MAP3K11: variants seen among roughly 807,000 people sequenced by gnomAD.
MAP3K11 encodes SH3 domain-containing proline-rich kinase.
MAP3K11 carries 46 observed loss-of-function variants against 84.9 expected under a neutral mutation model. The observed-to-expected ratio is 0.54, with a 90% CI of 0.43 to 0.69. MAP3K11 has a LOEUF of 0.69. Ranked by LOEUF, MAP3K11 falls within the 30% of genes least tolerant of loss-of-function variation. MAP3K11 has a pLI of 0.00. For missense variants in MAP3K11, 1,053 were observed against 1,198.3 expected (o/e 0.88, Z 1.79); for synonymous variants, 527 against 514.7 (o/e 1.02, Z -0.32).
Position 65,613,278 on chromosome 11 carries a change from C to T in MAP3K11, c.479G>A (p.Ser160Asn). The change falls in exon 1 of 10, where the codon AGC becomes AAC. Residue 160 changes from serine (S) to asparagine (N), a missense_variant. This residue lies in a region of MAP3K11 where 310 missense variants were observed against 464.5 expected (regional missense o/e 0.67). Transcript: ENST00000309100. ...GAAGAGCCGGGCCTCCTGGCGAACGCTCTCGGCTGTCACACTGATGTCCTC... is the reference window on the plus strand; with the variant it reads ...GAAGAGCCGGGCCTCCTGGCGAACGTTCTCGGCTGTCACACTGATGTCCTC... ...PDEDISVTAE[S>N]VRQEARLFAM... The T allele has an allele frequency of 1.9e-6, 3 of 1,612,810 alleles. No individual in the cohort carries two copies. Among genetic ancestry groups the T allele is most frequent in the Non-Finnish European group, 1.7e-6 (2 of 1,179,590 alleles).
At chr11:65,598,708 TCA>T in intron 9 of MAP3K11, 80 bp from the exon 10 acceptor site, 2 of 1,093,734 alleles carry the variant, frequency 1.8e-6, no homozygotes, top group Non-Finnish European at 1.2e-6. Context: ...GCTCTGGGCC[TCA>T]GTTTCCCCAT....
At chr11:65,612,817 A>C in intron 1 of MAP3K11, 2 of 478,656 alleles carry the variant, frequency 4.2e-6, no homozygotes, top group Non-Finnish European at 6.9e-6. Context: ...AGGACTTCTG[A>C]AGCTGGCGCA....
Position 65,599,559 on chromosome 11 carries a change from G to A in MAP3K11, c.2041C>T (p.Pro681Ser), listed in dbSNP as rs372241785. Residue 681 changes from proline to serine, a missense_variant, in exon 9 of 10, where the codon CCA becomes TCA. Transcript: ENST00000309100. ...RGESPTTPPT[P>S]TPAPCPTEPP... is the part of the protein sequence containing the mutation. ...TCGGTCGGGCAGGGCGCGGGCGTTG[G>A]CGTGGGGGGTGTTGTCGGGGACTCC... 51 of 1,499,230 alleles carry A rather than the reference G, an allele frequency of 3.4e-5. No homozygotes were observed. The African/African-American group carries it at 7.1e-4, about 21-fold the overall frequency. The allele number at this position is 1,499,230 out of a possible 1,614,324, so 92.9% of individuals were successfully genotyped here.
At chr11:65,612,848 TG>T in intron 1 of MAP3K11, 169 bp downstream of exon 1, 1 of 623,500 alleles carries the variant, frequency 1.6e-6, no homozygotes, top group Non-Finnish European at 2.4e-6. Flanking sequence ...GCTGGGTGCC[TG>T]GGGCTCTGTT....
At chr11:65,607,009 C>T in intron 5 of MAP3K11, 2 of 591,178 alleles carry the variant, frequency 3.4e-6, no homozygotes, top group East Asian at 3.4e-5. Context: ...GCCCTGGCGC[C>T]GGCCGGCCCC....
chr11:65,612,952 G>A, intron 1 of MAP3K11, 66 bp downstream of exon 1: 1 of 1,486,342 alleles, frequency 6.7e-7, no homozygotes, highest in Non-Finnish European at 8.9e-7. Flanking sequence ...GCTAGGCTCA[G>A]TGGAAGGTTG....
In MAP3K11 at chr11:65,606,096, G is replaced by A. The variant is rs763294272; in HGVS notation, c.1604-15C>T. On this transcript the variant is annotated splice_polypyrimidine_tract_variant and intron_variant, in intron 6 of 9. Transcript: ENST00000309100. Reference sequence around the variant, plus strand: ...TGCAGGCTCCACTGCAGGGGAAACCGATGAAATCGGAGATAATCTTTATTC... The same window carrying A: ...TGCAGGCTCCACTGCAGGGGAAACCAATGAAATCGGAGATAATCTTTATTC... 1.3e-5 allele frequency: 21 copies of A among 1,559,294 alleles called. No homozygotes were observed. The highest frequency in any genetic ancestry group is 4.8e-5 in the South Asian group (4 of 83,820).
chr11:65,610,050 T>C (rs560052023), intron 1 of MAP3K11: 1 of 152,612 alleles, frequency 6.6e-6, no homozygotes, highest in East Asian at 1.9e-4. Flanking sequence ...GCATGACCTC[T>C]CCTCAACCTC....
intron 8 of MAP3K11, among the ~76,000 whole-genome samples, chr11:65,604,531 A>C (rs563294957): frequency 7.2e-5 from 11 of 152,248 alleles, no homozygotes; most frequent in Non-Finnish European, 1.6e-4. Context: ...GCAAGAGCAG[A>C]TCAAATCCCT....
intron 6 of MAP3K11, 53 bp downstream of exon 6, chr11:65,606,638 A>G: frequency 7.5e-7 from 1 of 1,331,736 alleles, no homozygotes; most frequent in Non-Finnish European, 1.0e-6. Flanking sequence ...AAGGTCTGAC[A>G]GAGAATAAGG....
Position 65,599,482 on chromosome 11 carries a change from C to T in MAP3K11, c.2118G>A (p.Pro706=), listed in dbSNP as rs751664849. Residue 706 remains proline, a synonymous_variant, in exon 9 of 10, where the codon CCG becomes CCA. Coordinates refer to ENST00000309100, the MANE Select transcript of MAP3K11 (RefSeq NM_002419.4). ...ICFSLKTPDS[P]PTPAPLLLDL... ...CCAGCAACAGGGGTGCAGGAGTGGG[C>T]GGGGAGTCGGGCGTCTTGAGCGAGA... 70 of 1,499,136 alleles carry T rather than the reference C, an allele frequency of 4.7e-5. No individual in the cohort carries two copies. The highest frequency in any genetic ancestry group is 5.3e-5 in the Non-Finnish European group (60 of 1,130,756). The allele number at this position is 1,499,136 out of a possible 1,614,324, so 92.9% of individuals were successfully genotyped here.
At position 65,608,340 on chromosome 11, in the gene MAP3K11, G is replaced by A. The variant is rs1168234189; in HGVS notation, c.848C>T (p.Ala283Val). ...EWHKTTQMSA[A>V]GTYAWMAPEV... is the part of the protein sequence containing the mutation. ...AGGAGCCATCCAGGCGTAGGTGCCCGCGGCACTCATTTGTGTGGTTTTGTG... is the reference window on the plus strand; with the variant it reads ...AGGAGCCATCCAGGCGTAGGTGCCCACGGCACTCATTTGTGTGGTTTTGTG... Residue 283 changes from alanine (A) to valine (V), a missense_variant, in exon 2 of 10, where the codon GCG becomes GTG. Ala to Val is a moderately conservative substitution (Grantham distance 64). This residue lies in a region of MAP3K11 where 310 missense variants were observed against 464.5 expected (regional missense o/e 0.67). Coordinates refer to ENST00000309100, the MANE Select transcript of MAP3K11 (RefSeq NM_002419.4). 1.9e-6 allele frequency: 3 copies of A among 1,614,238 alleles called. No individual in the cohort carries two copies. The East Asian group carries it at 6.7e-5, about 36-fold the overall frequency.
At chr11:65,603,485 G>A (rs1048106002) in intron 8 of MAP3K11, among the ~76,000 whole-genome samples, 3 of 152,252 alleles carry the variant, frequency 2.0e-5, no homozygotes, top group Non-Finnish European at 2.9e-5. Flanking sequence ...ACTCCTTGCA[G>A]CCAGCTCTCC....
chr11:65,602,727 C>T (rs556877193), intron 8 of MAP3K11, among the ~76,000 whole-genome samples: 4 of 151,632 alleles, frequency 2.6e-5, no homozygotes, highest in Admixed American at 6.6e-5. Flanking sequence ...ATTGCTTGAA[C>T]GTGGGAGGTG....
At position 65,613,166 on chromosome 11, in the gene MAP3K11, G is replaced by A. The variant is rs779187339; in HGVS notation, c.591C>T (p.Ala197=). 23 of 1,591,420 alleles carry A rather than the reference G, an allele frequency of 1.4e-5. No individual in the cohort carries two copies. Among genetic ancestry groups the A allele is most frequent in the East Asian group, 1.3e-4 (6 of 44,762 alleles). ...CCAGAGCTCGGCTGAGGGGCCCACCGGCTGCATACTCCATCACCAGGCACA... is the reference window on the plus strand; with the variant it reads ...CCAGAGCTCGGCTGAGGGGCCCACCAGCTGCATACTCCATCACCAGGCACA... ...PNLCLVMEYA[A]GGPLSRALAG... is the part of the protein sequence containing the mutation. The change falls in exon 1 of 10, where the codon GCC becomes GCT. Residue 197 remains alanine (A), a synonymous_variant. Transcript: ENST00000309100.
chr11:65,599,724 G>T lies in MAP3K11; in HGVS notation c.1876C>A (p.Pro626Thr), dbSNP rs573026581. The change falls in exon 9 of 10, where the codon CCT becomes ACT. Residue 626 changes from proline to threonine, a missense_variant. This residue lies in a region of MAP3K11 where 583 missense variants were observed against 566.6 expected (regional missense o/e 1.03). Coordinates refer to ENST00000309100, the MANE Select transcript of MAP3K11 (RefSeq NM_002419.4). ...CTGCTACCGCGCTCTGCGGGGACAGGCCTCTTGGGCTCCTCGGGCTCCAGG... is the reference window on the plus strand; with the variant it reads ...CTGCTACCGCGCTCTGCGGGGACAGTCCTCTTGGGCTCCTCGGGCTCCAGG... ...PSLEPEEPKR[P>T]VPAERGSSSG... 1,640 of 1,588,514 alleles carry T rather than the reference G, an allele frequency of 1.0e-3. 25 individuals carry two copies. In the South Asian group the frequency reaches 0.018, roughly 17 times the overall value.
intron 3 of MAP3K11, 44 bp downstream of exon 3, chr11:65,607,878 G>T: frequency 6.2e-7 from 1 of 1,608,890 alleles, no homozygotes; most frequent in Non-Finnish European, 8.5e-7. Context: ...ATGTGTCCTG[G>T]GCCAGGGAGC....
chr11:65,598,388 G>T lies in MAP3K11; in HGVS notation c.2447C>A (p.Pro816Gln). ...GCCCCCCTGGAAGGGGTTGGCAGGTGGGGAGTCCCAGAAGGGGTCTGAGTC... is the reference window on the plus strand; with the variant it reads ...GCCCCCCTGGAAGGGGTTGGCAGGTTGGGAGTCCCAGAAGGGGTCTGAGTC... ...FPDSDPFWDS[P>Q]PANPFQGGPQ... The change falls in exon 10 of 10, where the codon CCA becomes CAA. Residue 816 changes from proline (P) to glutamine (Q), a missense_variant. By Grantham distance (76) the Pro-to-Gln change is moderately conservative. Around this residue, in one of 3 missense-constraint regions of MAP3K11, gnomAD observed 583 missense variants for 566.6 expected, o/e 1.03. Transcript: ENST00000309100. 6.4e-7 allele frequency: 1 copy of T among 1,562,776 alleles called. No homozygotes were observed. The highest frequency in any genetic ancestry group is 8.7e-7 in the Non-Finnish European group (1 of 1,150,526).
chr11:65,605,484 C>T (rs1854496522), intron 8 of MAP3K11: 1 of 327,026 alleles, frequency 3.1e-6, no homozygotes, highest in Non-Finnish European at 5.5e-6. Flanking sequence ...TGCCATGGGG[C>T]CAGGGAAGAG....
Sources: gnomAD v4.1 joint callset for allele counts (sites outside exome capture counted in the v4.1 genomes callset) on GRCh38, gnomAD v4.1.1 for gene constraint, gnomAD v4.1.1 regional missense constraint, MANE v1.5 for transcripts, NCBI Gene and HGNC (gene_info 2026-07-23, HGNC 2026-07-21) for gene names.